The following MCM7 variants were observed in gnomAD, a reference collection of about 807,000 sequenced individuals.
MCM7 encodes DNA replication licensing factor MCM7.
MCM7 carries 95 observed loss-of-function variants against 83.5 expected under a neutral mutation model. The ratio of observed to expected loss-of-function variants is 1.14; its 90% CI spans 0.96 to 1.35. The LOEUF (loss-of-function observed/expected upper bound fraction) is 1.35. Among genes scored for constraint, MCM7 ranks in the 40% most tolerant of loss-of-function variants. MCM7 has a pLI of 0.00. For synonymous variants in MCM7, 461 were observed against 352.7 expected, an observed-to-expected ratio of 1.31 and a Z score of -3.44; for missense variants, 1,087 against 957.4, an observed-to-expected ratio of 1.14 and a Z score of -1.79.
rs1584494015 is a variant in MCM7 at position 100,098,692 on chromosome 7, A to AG, written c.605dup (p.Leu203SerfsTer39). On this transcript the variant is annotated frameshift_variant, in exon 6 of 15. Coordinates refer to ENST00000303887, the MANE Select transcript of MCM7 (RefSeq NM_005916.5). LOFTEE classifies it high-confidence loss of function. ...ACTCCTGGCTTGGGCACATGATCAGAGGCATGAAAGTGGGAGACTGGATCT... is the reference window on the plus strand; with the variant it reads ...ACTCCTGGCTTGGGCACATGATCAGAGGGCATGAAAGTGGGAGACTGGATCT... 6.2e-7 allele frequency: 1 copy of AG among 1,614,126 alleles called. No homozygotes were observed. Among genetic ancestry groups the AG allele is most frequent in the East Asian group, 2.2e-5 (1 of 44,884 alleles).
intron 9 of MCM7, 46 bp from the exon 10 acceptor site, chr7:100,097,430 T>C (rs745750944): frequency 1.2e-6 from 2 of 1,604,924 alleles, no homozygotes; most frequent in South Asian, 2.2e-5. Flanking sequence ...CTCCCAGTGC[T>C]TGGCCAACAA....
In MCM7 at chr7:100,097,451, T is replaced by C. The variant is rs1471364031; in HGVS notation, c.1118-67A>G. The C allele has an allele frequency of 2.5e-6, 4 of 1,590,266 alleles. No individual in the cohort carries two copies. The African/African-American group carries it at 4.0e-5, about 16-fold the overall frequency. ...GTGCTTGGCCAACAACAGAGCAATT[T>C]TGAGTTCTGCCTACCCCTAACACCC... On this transcript the variant is annotated intron_variant, in intron 9 of 14. Transcript: ENST00000303887.
chr7:100,099,285 C>A lies in MCM7; in HGVS notation c.395G>T (p.Arg132Leu). The change falls in exon 4 of 15, where the codon CGC becomes CTC. Residue 132 changes from arginine to leucine, a missense_variant. Physicochemically the swap from Arg to Leu is moderately radical, Grantham distance 102. Coordinates refer to ENST00000303887, the MANE Select transcript of MCM7 (RefSeq NM_005916.5). ...CCCGACAGAGACCACTCACAATCTG[C>A]GCATGAGTTCAGCAGGGTACTGGTT... ...PQNQYPAELMRRFELYFQGPS... is the reference protein window; with the variant it reads ...PQNQYPAELMLRFELYFQGPS... The A allele has an allele frequency of 1.2e-6, 2 of 1,614,156 alleles. No homozygotes were observed. The highest frequency in any genetic ancestry group is 4.5e-5 in the East Asian group (2 of 44,890).
At chr7:100,100,682 G>A (rs1258505981) in intron 1 of MCM7, 3 of 989,888 alleles carry the variant, frequency 3.0e-6, no homozygotes, top group Non-Finnish European at 3.6e-6. Context: ...GCGAAGCTCC[G>A]GATCCCAGGC....
chr7:100,097,254 G>T, intron 10 of MCM7, 47 bp downstream of exon 10: 1 of 1,527,046 alleles, frequency 6.5e-7, no homozygotes, highest in Non-Finnish European at 9.1e-7. Flanking sequence ...AAACACTGTG[G>T]TCCTGTCTGT....
At chr7:100,096,808 A>C (rs1450413119) in intron 10 of MCM7, among the ~76,000 whole-genome samples, 3 of 151,934 alleles carry the variant, frequency 2.0e-5, no homozygotes, top group South Asian at 4.1e-4. Flanking sequence ...CAAACAACAA[A>C]AAAAACTTTT....
chr7:100,096,971 G>A (rs931352414), intron 10 of MCM7, among the ~76,000 whole-genome samples: 1 of 146,038 alleles, frequency 6.8e-6, no homozygotes, highest in African/African-American at 2.5e-5. Context: ...CGTGGTGGCG[G>A]GCGCCTGTAG....
intron 8 of MCM7, 44 bp downstream of exon 8, chr7:100,097,790 G>T: frequency 6.2e-7 from 1 of 1,614,060 alleles, no homozygotes; most frequent in South Asian, 1.1e-5. Flanking sequence ...GGAAAAGGGA[G>T]CTAGGATGTA....
rs959361808 is a variant in MCM7 at position 100,092,977 on chromosome 7, A to G, written c.2115T>C (p.Asn705=). The G allele has an allele frequency of 1.2e-6, 2 of 1,614,242 alleles. No homozygotes were observed. Among genetic ancestry groups the G allele is most frequent in the Admixed American group, 1.7e-5 (1 of 60,028 alleles). Residue 705 remains asparagine (N), a synonymous_variant, in exon 15 of 15, where the codon AAT becomes AAC. Transcript: ENST00000303887. ...QAALDEYEEL[N]VWQVNASRTR... The stretch of plus-strand genomic sequence containing the variant: ...TCCGGGAAGCATTGACCTGCCAGAC[A>G]TTGAGCTCCTCATATTCATCCAGAG...
Position 100,097,375 on chromosome 7 carries a change from T to C in MCM7, c.1127A>G (p.Asn376Ser), listed in dbSNP as rs1378369441. ...PRGMKIRGNI[N>S]ICLMGDPGVA... Reference sequence around the variant, plus strand: ...ACCAGGATCCCCCATCAGACAGATGTTGATGTTGCCTGGAGGAAGGGAAGG... The same window carrying C: ...ACCAGGATCCCCCATCAGACAGATGCTGATGTTGCCTGGAGGAAGGGAAGG... The change falls in exon 10 of 15, where the codon AAC becomes AGC. Residue 376 changes from asparagine to serine, a missense_variant. Asn to Ser is a conservative substitution (Grantham distance 46). Coordinates refer to ENST00000303887, the MANE Select transcript of MCM7 (RefSeq NM_005916.5). The C allele has an allele frequency of 3.7e-6, 6 of 1,613,956 alleles. No individual in the cohort carries two copies. Among genetic ancestry groups the C allele is most frequent in the Admixed American group, 1.7e-5 (1 of 59,994 alleles).
At position 100,097,719 on chromosome 7, in the gene MCM7, C is replaced by A. The variant is rs369264509; in HGVS notation, c.1012G>T (p.Ala338Ser). ...AEEDFYEKLA[A>S]SIAPEIYGHE... ...CCGTATATTTCTGGGGCGATTGAAG[C>A]TGCCAGCTTTTCGTAGAAATCCTCC... is the stretch of plus-strand genomic sequence containing the variant. Residue 338 changes from alanine (A) to serine (S), a missense_variant, in exon 9 of 15, where the codon GCT (alanine) becomes TCT (serine). Ala to Ser is a moderately conservative substitution (Grantham distance 99, BLOSUM62 1). Coordinates refer to ENST00000303887, the MANE Select transcript of MCM7 (RefSeq NM_005916.5). 1 of 1,614,228 alleles carries A rather than the reference C, an allele frequency of 6.2e-7. No individual in the cohort carries two copies. Among genetic ancestry groups the A allele is most frequent in the Non-Finnish European group, 8.5e-7 (1 of 1,180,048 alleles).
rs764911726 is a variant in MCM7 at position 100,097,698 on chromosome 7, A to G, written c.1033T>C (p.Tyr345His). The G allele has an allele frequency of 2.1e-5, 34 of 1,614,074 alleles. No individual in the cohort carries two copies. The South Asian group carries it at 2.5e-4, about 12-fold the overall frequency. Residue 345 changes from tyrosine (Y) to histidine (H), a missense_variant, in exon 9 of 15, where the codon TAC becomes CAC. Transcript: ENST00000303887. ...KLAASIAPEI[Y>H]GHEDVKKALL... ...GCCTTCTTCACATCTTCATGCCCGT[A>G]TATTTCTGGGGCGATTGAAGCTGCC...
chr7:100,100,468 TCCG>T, intron 1 of MCM7: 1 of 995,054 alleles, frequency 1.0e-6, no homozygotes, highest in Middle Eastern at 5.2e-4. Flanking sequence ...CACCGGGACC[TCCG>T]CCACCGCACC....
rs976958049 is a variant in MCM7 at position 100,099,873 on chromosome 7, C to T, written c.112-120G>A. ...GGCTCTGGGCATCCACAGGGGAGAA[C>T]GCAGCGCCACACAGAGCGATACTCG... On this transcript the variant is annotated intron_variant, in intron 2 of 14. Coordinates refer to ENST00000303887, the MANE Select transcript of MCM7 (RefSeq NM_005916.5). 79 of 1,443,890 alleles carry T rather than the reference C, an allele frequency of 5.5e-5. No individual in the cohort carries two copies. The East Asian group carries it at 1.3e-3, about 24-fold the overall frequency. The allele number at this position is 1,443,890 out of a possible 1,614,324, so 89.4% of individuals were successfully genotyped here.
At chr7:100,095,491 A>G (rs1420145050) in intron 11 of MCM7, 21 bp from the exon 12 acceptor site, 1 of 1,611,230 alleles carries the variant, frequency 6.2e-7, no homozygotes, top group Admixed American at 1.7e-5. Context: ...GGAAGGTTAG[A>G]AGGAACACCC....
At position 100,099,612 on chromosome 7, in the gene MCM7, G is replaced by A. The variant is rs757251961; in HGVS notation, c.253C>T (p.Leu85=). The A allele has an allele frequency of 4.3e-6, 7 of 1,613,896 alleles. No homozygotes were observed. The African/African-American group carries it at 9.3e-5, about 22-fold the overall frequency. ...ACTTCCCTCTCCTTGTACTGAGGCA[G>A]CAGCTCTTGTACGGCATCAGCAAAG... ...KLFADAVQEL[L]PQYKEREVVN... is the part of the protein sequence containing the mutation. Residue 85 remains leucine, a synonymous_variant, in exon 3 of 15, where the codon CTG becomes TTG. Coordinates refer to ENST00000303887, the MANE Select transcript of MCM7 (RefSeq NM_005916.5).
Position 100,099,222 on chromosome 7 carries a change from C to G in MCM7, c.402-19G>C. On this transcript the variant is annotated intron_variant, in intron 4 of 14. Coordinates refer to ENST00000303887, the MANE Select transcript of MCM7 (RefSeq NM_005916.5). ...CAGCTCACTAAGGGGAGAAAACAGT[C>G]ACAAACAAGATCCTGGAGAACCAAT... 1 of 1,613,984 alleles carries G rather than the reference C, an allele frequency of 6.2e-7. No homozygotes were observed.
intron 1 of MCM7, chr7:100,100,490 G>A (rs893732509): frequency 1.0e-6 from 1 of 994,060 alleles, no homozygotes; most frequent in Non-Finnish European, 1.2e-6. Flanking sequence ...CCCCGCCACC[G>A]CACCCCACCC....
rs749189763 is a variant in MCM7 at position 100,099,418 on chromosome 7, CAAAAAAA to C, written c.277-22_277-16del. ...TTATTTACCACCTAAAGGAGAAGAA[CAAAAAAA>C]AAAAAAAAAAAGAGCAACAGGATGG... On this transcript the variant is annotated splice_polypyrimidine_tract_variant and intron_variant, in intron 3 of 14. Coordinates refer to ENST00000303887, the MANE Select transcript of MCM7 (RefSeq NM_005916.5). 2.3e-5 allele frequency: 30 copies of C among 1,305,522 alleles called. No homozygotes were observed. The highest frequency in any genetic ancestry group is 3.3e-5 in the Admixed American group (1 of 30,342). The allele number at this position is 1,305,522 out of a possible 1,614,324, so 80.9% of individuals were successfully genotyped here.
Sources: gnomAD v4.1 joint callset for allele counts (sites outside exome capture counted in the v4.1 genomes callset) on GRCh38, gnomAD v4.1.1 for gene constraint, MANE v1.5 for transcripts, NCBI Gene and HGNC (gene_info 2026-07-23, HGNC 2026-07-21) for gene names.